Variants in RGS7 observed in about 807,000 individuals in gnomAD.
RGS7 encodes regulator of G-protein signaling 7.
In RGS7, 27 loss-of-function variants were observed where a neutral mutation model predicts 81.1. The ratio of observed to expected loss-of-function variants is 0.33; its 90% CI spans 0.25 to 0.46. The LOEUF (loss-of-function observed/expected upper bound fraction) is 0.46, where lower values mean the gene tolerates loss of function less well. RGS7 is among the 20% of genes least tolerant of loss of function. The pLI, the probability that RGS7 is intolerant of heterozygous loss-of-function variation, is 1.00. For synonymous variants in RGS7, 208 were observed against 207.7 expected, an observed-to-expected ratio of 1.00 and a Z score of -0.01; for missense variants, 396 against 607.4, an observed-to-expected ratio of 0.65 and a Z score of 3.66.
intron 2 of RGS7, among the ~76,000 whole-genome samples, chr1:241,295,640 A>C (rs1277646820): frequency 6.6e-6 from 1 of 152,162 alleles, no homozygotes; most frequent in Non-Finnish European, 1.5e-5. Flanking sequence ...CTTGAATGCC[A>C]TGTTTAGGGG....
intron 3 of RGS7, among the ~76,000 whole-genome samples, chr1:241,042,915 C>G (rs559981595): frequency 6.6e-4 from 99 of 149,640 alleles, no homozygotes; most frequent in Non-Finnish European, 2.1e-4. Flanking sequence ...GAGATTGCAC[C>G]ATTGCACTCC....
At chr1:241,102,295 C>A (rs2064809394) in intron 2 of RGS7, among the ~76,000 whole-genome samples, 1 of 152,156 alleles carries the variant, frequency 6.6e-6, no homozygotes. Flanking sequence ...AAAGAAAATT[C>A]TAGCCCTCAA....
chr1:240,940,389 C>A (rs1320526805), intron 4 of RGS7, among the ~76,000 whole-genome samples: 1 of 152,180 alleles, frequency 6.6e-6, no homozygotes, highest in African/African-American at 2.4e-5. Flanking sequence ...GTCTCCAGAT[C>A]CACAGAAGAG....
rs147651802 is a variant in RGS7, at chr1:241,240,246, G to A, written c.78+115453C>T. ...GGACACTGACACAGGCAAGTCCCTCGGTGGGCACCCAGGCAGAATGAGAAG... is the reference window on the plus strand; with the variant it reads ...GGACACTGACACAGGCAAGTCCCTCAGTGGGCACCCAGGCAGAATGAGAAG... On this transcript the variant is annotated intron_variant, in intron 2 of 18. Coordinates refer to ENST00000440928, the MANE Select transcript of RGS7 (RefSeq NM_001364886.1). Among the ~76,000 whole-genome samples, 608 of 152,200 alleles carry A rather than the reference G, an allele frequency of 4.0e-3. 7 individuals carry two copies. Among genetic ancestry groups the A allele is most frequent in the African/African-American group, 0.014 (576 of 41,520 alleles).
chr1:240,941,228 T>C (rs1677526905), intron 4 of RGS7, among the ~76,000 whole-genome samples: 1 of 152,204 alleles, frequency 6.6e-6, no homozygotes, highest in Non-Finnish European at 1.5e-5. Flanking sequence ...CCTTTTGACT[T>C]AATAGTTAAG....
chr1:241,108,971 T>C (rs2065320970), intron 2 of RGS7, among the ~76,000 whole-genome samples: 1 of 152,122 alleles, frequency 6.6e-6, no homozygotes, highest in African/African-American at 2.4e-5. Flanking sequence ...AATTCTCTCT[T>C]ATACGAACTC....
rs114149339 is a variant in RGS7 at position 241,086,928 on chromosome 1, G to A, written c.175+11738C>T. Among the ~76,000 whole-genome samples the A allele has an allele frequency of 6.5e-3, 983 of 152,244 alleles. 17 individuals carry two copies. Among genetic ancestry groups the A allele is most frequent in the African/African-American group, 0.023 (954 of 41,536 alleles). On this transcript the variant is annotated intron_variant, in intron 3 of 18. Coordinates refer to ENST00000440928, the MANE Select transcript of RGS7 (RefSeq NM_001364886.1). The stretch of plus-strand genomic sequence containing the variant: ...GACTCAGGCTTTACAATGAAGCTCT[G>A]ACATCACCATCTCCAAGAAAAGCCT...
intron 2 of RGS7, among the ~76,000 whole-genome samples, chr1:241,111,633 A>G (rs994389193): frequency 4.6e-5 from 7 of 151,430 alleles, no homozygotes; most frequent in African/African-American, 1.7e-4. Flanking sequence ...AAAAAAATGA[A>G]AAGACAAGTG....
intron 18 of RGS7, among the ~76,000 whole-genome samples, chr1:240,794,963 A>C (rs914133820): frequency 2.0e-5 from 3 of 152,110 alleles, no homozygotes; most frequent in Admixed American, 2.0e-4. Context: ...CAGGCGGATC[A>C]CCTGAGGTCG....
At chr1:241,257,560 G>A (rs2148256336) in intron 2 of RGS7, among the ~76,000 whole-genome samples, 1 of 152,296 alleles carries the variant, frequency 6.6e-6, no homozygotes, top group South Asian at 2.1e-4. Context: ...TGCCCAAAAT[G>A]TTTTTATCTA....
intron 2 of RGS7, among the ~76,000 whole-genome samples, chr1:241,295,888 G>A (rs2079393630): frequency 6.6e-6 from 1 of 152,214 alleles, no homozygotes; most frequent in African/African-American, 2.4e-5. Flanking sequence ...CAATGGTTGG[G>A]TATAAACCGC....
intron 2 of RGS7, among the ~76,000 whole-genome samples, chr1:241,239,778 C>T (rs190817219): frequency 1.3e-5 from 2 of 152,292 alleles, no homozygotes; most frequent in Admixed American, 1.3e-4. Context: ...GTCAGAAATT[C>T]TGGAGAATGG....
At chr1:241,261,986 TCA>T (rs750399766) in intron 2 of RGS7, among the ~76,000 whole-genome samples, 20,233 of 148,344 alleles carry the variant, frequency 0.14, 1,714 homozygotes, top group Admixed American at 0.23. Flanking sequence ...TTTTGTTTGT[TCA>T]TTTTTTAAGA....
intron 2 of RGS7, among the ~76,000 whole-genome samples, chr1:241,116,148 GTTCT>G (rs751539904): frequency 6.6e-6 from 1 of 152,066 alleles, no homozygotes; most frequent in Non-Finnish European, 1.5e-5. Flanking sequence ...GTCGCAGGTA[GTTCT>G]TTATAGCAGT....
At chr1:241,001,071 C>T (rs561702778) in intron 3 of RGS7, among the ~76,000 whole-genome samples, 34 of 152,186 alleles carry the variant, frequency 2.2e-4, no homozygotes, top group African/African-American at 7.9e-4. Flanking sequence ...AACTCTTGGA[C>T]AGCATTGGTT....
chr1:241,302,384 C>T (rs1372909496), intron 2 of RGS7, among the ~76,000 whole-genome samples: 1 of 152,140 alleles, frequency 6.6e-6, no homozygotes, highest in Non-Finnish European at 1.5e-5. Flanking sequence ...CCCGTTTCTA[C>T]TAAAAATACA....
chr1:241,305,917 G>A (rs906972063), intron 2 of RGS7: 5 of 176,670 alleles, frequency 2.8e-5, no homozygotes, highest in Non-Finnish European at 3.6e-5. Flanking sequence ...GGCCGCCGCA[G>A]AGGACCCACC....
intron 2 of RGS7, among the ~76,000 whole-genome samples, chr1:241,317,208 T>C (rs1299407841): frequency 6.6e-6 from 1 of 152,198 alleles, no homozygotes; most frequent in Non-Finnish European, 1.5e-5. Context: ...AAAGCACAGA[T>C]AATTGTAAAT....
At chr1:241,088,041 CACAT>C (rs759938808) in intron 3 of RGS7, among the ~76,000 whole-genome samples, 1 of 89,906 alleles carries the variant, frequency 1.1e-5, no homozygotes, top group African/African-American at 7.5e-5. Flanking sequence ...TATATATACA[CACAT>C]ATATATATAT....
Sources: gnomAD v4.1 joint callset for allele counts (sites outside exome capture counted in the v4.1 genomes callset) on GRCh38, gnomAD v4.1.1 for gene constraint, MANE v1.5 for transcripts, NCBI Gene and HGNC (gene_info 2026-07-23, HGNC 2026-07-21) for gene names.